RALYL: variants seen among roughly 807,000 people sequenced by gnomAD.
The protein encoded by RALYL is RALY RNA binding protein like.
Under a neutral mutation model 35.1 loss-of-function variants are expected in RALYL, and 29 were observed. That is an observed-to-expected ratio of 0.83 (90% CI 0.61 to 1.13). The LOEUF is 1.13. Ranked by LOEUF, RALYL falls within the 50% of genes most tolerant of loss-of-function variation. RALYL has a pLI of 0.00. For missense variants in RALYL, 359 were observed against 360.4 expected, an observed-to-expected ratio of 1.00 and a Z score of 0.03; for synonymous variants, 120 against 127.6, an observed-to-expected ratio of 0.94 and a Z score of 0.40.
chr8:84,649,666 C>G (rs1169156262), intron 2 of RALYL, among the ~76,000 whole-genome samples: 1 of 152,002 alleles, frequency 6.6e-6, no homozygotes, highest in Non-Finnish European at 1.5e-5. Flanking sequence ...CAGTACCATG[C>G]TGTTTTGGTT....
intron 2 of RALYL, among the ~76,000 whole-genome samples, chr8:84,645,216 T>C (rs1348862122): frequency 1.3e-5 from 2 of 152,024 alleles, no homozygotes; most frequent in East Asian, 3.9e-4. Context: ...GAATATATTA[T>C]TTTTACTGTG....
intron 2 of RALYL, among the ~76,000 whole-genome samples, chr8:84,614,752 T>G (rs1225803247): frequency 1.3e-5 from 2 of 150,522 alleles, no homozygotes; most frequent in Non-Finnish European, 2.9e-5. Flanking sequence ...AAGACTACAG[T>G]CAGATTGTTC....
chr8:84,803,821 A>T (rs1823931596), intron 3 of RALYL, among the ~76,000 whole-genome samples: 2 of 152,232 alleles, frequency 1.3e-5, no homozygotes, highest in Non-Finnish European at 2.9e-5. Flanking sequence ...ACTCACATTT[A>T]TAAAAATAAA....
chr8:84,829,254 C>G (rs1830378560), intron 4 of RALYL: 1 of 152,320 alleles, frequency 6.6e-6, no homozygotes, highest in South Asian at 2.1e-4. Context: ...CAGTTACCTC[C>G]CACTGGCTCC....
chr8:84,709,240 C>T (rs1841745178), intron 2 of RALYL, among the ~76,000 whole-genome samples: 1 of 152,072 alleles, frequency 6.6e-6, no homozygotes, highest in East Asian at 1.9e-4. Context: ...TAACACAACC[C>T]TCATCAGGTC....
chr8:84,506,634 AAT>A (rs1274975114), intron 1 of RALYL, among the ~76,000 whole-genome samples: 1 of 152,002 alleles, frequency 6.6e-6, no homozygotes, highest in Non-Finnish European at 1.5e-5. Context: ...ATAATTTTAA[AAT>A]ATCACAACAG....
chr8:84,192,346 G>T (rs1563506912), intron 1 of RALYL, among the ~76,000 whole-genome samples: 1 of 152,156 alleles, frequency 6.6e-6, no homozygotes, highest in East Asian at 1.9e-4. Flanking sequence ...ACTGTGGGAG[G>T]ACTTTTCCAG....
intron 1 of RALYL, among the ~76,000 whole-genome samples, chr8:84,263,759 C>T (rs914463168): frequency 1.2e-4 from 19 of 152,068 alleles, no homozygotes; most frequent in African/African-American, 4.6e-4. Context: ...CTCTATCCTT[C>T]CCCGACCTCA....
At chr8:84,462,667 T>A (rs890160322) in intron 1 of RALYL, among the ~76,000 whole-genome samples, 18 of 151,304 alleles carry the variant, frequency 1.2e-4, no homozygotes, top group Non-Finnish European at 2.2e-4. Flanking sequence ...AAGGCTTCAT[T>A]TTGTAAAACT....
At chr8:84,336,668 G>GT (rs1283790050) in intron 1 of RALYL, among the ~76,000 whole-genome samples, 3 of 152,044 alleles carry the variant, frequency 2.0e-5, no homozygotes, top group Non-Finnish European at 2.9e-5. Context: ...TCATGTGTTT[G>GT]TTTTTTAAGA....
At chr8:84,497,168 G>T (rs1587785096) in intron 1 of RALYL, among the ~76,000 whole-genome samples, 1 of 152,186 alleles carries the variant, frequency 6.6e-6, no homozygotes, top group East Asian at 1.9e-4. Context: ...GTACAGAACT[G>T]ATAGGCACTA....
At chr8:84,418,095 A>C (rs540019921) in intron 1 of RALYL, among the ~76,000 whole-genome samples, 1 of 152,276 alleles carries the variant, frequency 6.6e-6, no homozygotes, top group East Asian at 1.9e-4. Flanking sequence ...ACCTCTTTAT[A>C]TTCTGATTTA....
At chr8:84,912,056 G>A (rs1329824164) in intron 8 of RALYL, among the ~76,000 whole-genome samples, 1 of 152,066 alleles carries the variant, frequency 6.6e-6, no homozygotes, top group Admixed American at 6.6e-5. Flanking sequence ...CACTTTCCTT[G>A]AGGTCAGTGG....
At position 84,450,469 on chromosome 8, in the gene RALYL, G is replaced by A. The variant is rs543669010; in HGVS notation, c.-23-78830G>A. ...AAGAAATAGTAGCAGTACTCATTAT[G>A]TCTGATTGCTAATTACCTCTTTGAA... On this transcript the variant is annotated intron_variant, in intron 1 of 8. Coordinates refer to ENST00000521268, the MANE Select transcript of RALYL (RefSeq NM_173848.7). 3.9e-5 allele frequency among the ~76,000 whole-genome samples: 6 copies of A among 151,942 alleles called. No homozygotes were observed. In the East Asian group the frequency reaches 1.2e-3, roughly 30 times the overall value.
intron 2 of RALYL, among the ~76,000 whole-genome samples, chr8:84,644,334 T>C (rs956653770): frequency 2.6e-5 from 4 of 152,058 alleles, no homozygotes; most frequent in Admixed American, 1.3e-4. Context: ...TTCATACACT[T>C]AACAAATATT....
chr8:84,613,385 C>T (rs905192137), intron 2 of RALYL, among the ~76,000 whole-genome samples: 6 of 151,488 alleles, frequency 4.0e-5, no homozygotes, highest in Non-Finnish European at 8.8e-5. Flanking sequence ...GGGCAGAAAG[C>T]TCATGTGACA....
intron 1 of RALYL, among the ~76,000 whole-genome samples, chr8:84,344,148 T>C (rs952102812): frequency 9.2e-5 from 14 of 152,078 alleles, no homozygotes; most frequent in African/African-American, 3.4e-4. Flanking sequence ...CTCTTTAGTT[T>C]ATATTTTATA....
chr8:84,834,152 C>T lies in RALYL; in HGVS notation c.366-15828C>T, dbSNP rs190177740. 4.5e-3 allele frequency among the ~76,000 whole-genome samples: 691 copies of T among 152,268 alleles called. 3 individuals carry two copies. Among genetic ancestry groups the T allele is most frequent in the Non-Finnish European group, 7.6e-3 (514 of 68,026 alleles). On this transcript the variant is annotated intron_variant, in intron 4 of 8. Coordinates refer to ENST00000521268, the MANE Select transcript of RALYL (RefSeq NM_173848.7). ...AATGGACAAGTGTACTCTTCGACTA[C>T]GTGTCACATATGGTTATTCTCAACA...
At chr8:84,634,891 G>A (rs1824707554) in intron 2 of RALYL, among the ~76,000 whole-genome samples, 1 of 151,742 alleles carries the variant, frequency 6.6e-6, no homozygotes, top group Admixed American at 6.6e-5. Flanking sequence ...CCTTTAGGTT[G>A]ATTCCACGGC....
Sources: allele counts gnomAD v4.1 joint callset (sites outside exome capture counted in the v4.1 genomes callset), GRCh38; gene constraint gnomAD v4.1.1; transcripts MANE v1.5; gene names NCBI Gene and HGNC (gene_info 2026-07-23, HGNC 2026-07-21).